The following OTOF variants were observed in gnomAD, a reference collection of about 807,000 sequenced individuals.
OTOF encodes otoferlin, also known as fer-1-like family member 2.
Under a neutral mutation model 236.8 loss-of-function variants are expected in OTOF, and 218 were observed. The ratio of observed to expected loss-of-function variants is 0.92; its 90% CI spans 0.82 to 1.03. The LOEUF is 1.03. Ranked by LOEUF, OTOF falls within the 50% of genes least tolerant of loss-of-function variation. OTOF has a pLI of 0.00. For synonymous variants in OTOF, 1,041 were observed against 1,072.5 expected, an observed-to-expected ratio of 0.97 and a Z score of 0.57; for missense variants, 2,590 against 2,694.4, an observed-to-expected ratio of 0.96 and a Z score of 0.86.
At chr2:26,503,245 T>A (rs1666164265) in intron 6 of OTOF, among the ~76,000 whole-genome samples, 1 of 152,242 alleles carries the variant, frequency 6.6e-6, no homozygotes, top group Non-Finnish European at 1.5e-5. Flanking sequence ...CCGCCTCCTC[T>A]GCAGCAGCTG....
At chr2:26,463,353 A>G in intron 41 of OTOF, 130 bp downstream of exon 41, 1 of 777,276 alleles carries the variant, frequency 1.3e-6, no homozygotes, top group South Asian at 1.5e-5. Context: ...CAGTGGCCAC[A>G]CCCAGGCCCC....
chr2:26,546,395 A>T (rs1028401877), intron 1 of OTOF, among the ~76,000 whole-genome samples: 2 of 151,400 alleles, frequency 1.3e-5, no homozygotes, highest in African/African-American at 4.9e-5. Context: ...CGGGAGGTGG[A>T]GGTTGCAGTG....
chr2:26,467,010 C>T (rs891799108), intron 35 of OTOF, 89 bp downstream of exon 35: 35 of 1,381,852 alleles, frequency 2.5e-5, no homozygotes, highest in Middle Eastern at 1.9e-4. Context: ...AGGCAGTGGC[C>T]GGGGCAGTGG....
intron 5 of OTOF, among the ~76,000 whole-genome samples, chr2:26,508,330 AC>A (rs1252563093): frequency 6.6e-6 from 1 of 152,242 alleles, no homozygotes; most frequent in Non-Finnish European, 1.5e-5. Flanking sequence ...GCCCCAAGGC[AC>A]AGGGAATTTC....
At chr2:26,528,257 G>T (rs1043571846) in intron 2 of OTOF, among the ~76,000 whole-genome samples, 1 of 152,228 alleles carries the variant, frequency 6.6e-6, no homozygotes, top group African/African-American at 2.4e-5. Flanking sequence ...CTCCTGAGGG[G>T]GGTTGGGAGA....
intron 4 of OTOF, among the ~76,000 whole-genome samples, chr2:26,517,267 C>T (rs201087469): frequency 6.6e-6 from 1 of 152,134 alleles, no homozygotes; most frequent in Non-Finnish European, 1.5e-5. Context: ...AGTTTCCCCC[C>T]CAGTGCACAG....
intron 1 of OTOF, among the ~76,000 whole-genome samples, chr2:26,547,232 T>A (rs72815287): frequency 0.14 from 21,378 of 152,242 alleles, 1,552 homozygotes; most frequent in Middle Eastern, 0.28. Flanking sequence ...ATTGATATAA[T>A]CATGAATTTT....
chr2:26,516,620 G>A, intron 4 of OTOF, 21 bp from the exon 5 acceptor site: 1 of 1,601,044 alleles, frequency 6.2e-7, no homozygotes, highest in South Asian at 1.1e-5. Context: ...GGAGGCGGTG[G>A]TGAGCAGCTG....
At position 26,467,518 on chromosome 2, in the gene OTOF, A is replaced by G. The variant is rs747968281; in HGVS notation, c.4091-17T>C. ...CCTTCAGGCCTGGCCAGAAGCAGAA[A>G]AGGAGGTGGAGCAGAAATGAGCAGA... On this transcript the variant is annotated splice_polypyrimidine_tract_variant and intron_variant, in intron 33 of 46. Transcript: ENST00000272371. 2 of 1,612,394 alleles carry G rather than the reference A, an allele frequency of 1.2e-6. No homozygotes were observed. Among genetic ancestry groups the G allele is most frequent in the Non-Finnish European group, 1.7e-6 (2 of 1,179,274 alleles).
intron 1 of OTOF, among the ~76,000 whole-genome samples, chr2:26,548,220 C>A (rs966135015): frequency 6.6e-6 from 1 of 151,852 alleles, no homozygotes; most frequent in Non-Finnish European, 1.5e-5. Context: ...TTTGAAGAAC[C>A]AACTTTTGGC....
In OTOF at chr2:26,484,355, G is replaced by A. The variant is rs528749632; in HGVS notation, c.1205+119C>T. 1.3e-4 allele frequency: 134 copies of A among 1,064,344 alleles called. No individual in the cohort carries two copies. In the South Asian group the frequency reaches 1.7e-3, roughly 13 times the overall value. The allele number at this position is 1,064,344 out of a possible 1,614,324, so 65.9% of individuals were successfully genotyped here. ...GAAGAGTGGGGCTGCTTGGGAGAGT[G>A]AGCGAGAGCAGGGTGAGGGAGACGG... On this transcript the variant is annotated intron_variant, in intron 12 of 46. Transcript: ENST00000272371.
chr2:26,553,624 C>T lies in OTOF; in HGVS notation c.79+4869G>A, dbSNP rs75603208. Reference sequence around the variant, plus strand: ...GCTCGGAAAGAGGCATGAGCCACCACGCCTGGCCCTTTCATGGCCTTTGAT... The same window carrying T: ...GCTCGGAAAGAGGCATGAGCCACCATGCCTGGCCCTTTCATGGCCTTTGAT... On this transcript the variant is annotated intron_variant, in intron 1 of 46. Transcript: ENST00000272371. 5.6e-3 allele frequency among the ~76,000 whole-genome samples: 849 copies of T among 152,334 alleles called. 7 individuals carry two copies. The highest frequency in any genetic ancestry group is 0.02 in the African/African-American group (817 of 41,560).
At position 26,473,697 on chromosome 2, in the gene OTOF, G is replaced by C. The variant is rs1665111509; in HGVS notation, c.3409-130C>G. 1 of 1,031,900 alleles carries C rather than the reference G, an allele frequency of 9.7e-7. No individual in the cohort carries two copies. Among genetic ancestry groups the C allele is most frequent in the Non-Finnish European group, 1.4e-6 (1 of 712,602 alleles). The allele number at this position is 1,031,900 out of a possible 1,614,324, so 63.9% of individuals were successfully genotyped here. A position where few individuals can be genotyped will look rare whatever the true frequency, so the allele number is the denominator to read the frequency against. ...GCAGTAGTTCACCCCAGATTTCAAA[G>C]GGTGGGAGCAGGGCCAGGAGAGCAG... On this transcript the variant is annotated intron_variant, in intron 27 of 46. Coordinates refer to ENST00000272371, the MANE Select transcript of OTOF (RefSeq NM_194248.3). This position sits in a 1 kb window ranked among gnomAD's most constrained non-coding sequence, Gnocchi z 7.2.
At chr2:26,496,173 A>G (rs1665979127) in intron 8 of OTOF, among the ~76,000 whole-genome samples, 1 of 151,732 alleles carries the variant, frequency 6.6e-6, no homozygotes, top group African/African-American at 2.4e-5. Flanking sequence ...AACCTGCTGG[A>G]GCCAGGCACA....
chr2:26,552,721 C>T (rs1364265054), intron 1 of OTOF, among the ~76,000 whole-genome samples: 1 of 152,068 alleles, frequency 6.6e-6, no homozygotes, highest in African/African-American at 2.4e-5. Context: ...AGATTTCCCT[C>T]AGGTGTGGTG....
chr2:26,484,972 C>T (rs1315369614), intron 11 of OTOF, among the ~76,000 whole-genome samples: 1 of 152,196 alleles, frequency 6.6e-6, no homozygotes, highest in Non-Finnish European at 1.5e-5. Context: ...GTGAAGGACA[C>T]AGCTGCACAC....
In OTOF at chr2:26,472,525, C is replaced by T. The variant is rs1481934944; in HGVS notation, c.3858G>A (p.Leu1286=). Residue 1286 remains leucine, a synonymous_variant, in exon 30 of 47, where the codon CTG becomes CTA. Coordinates refer to ENST00000272371, the MANE Select transcript of OTOF (RefSeq NM_194248.3). ...CTGACCCCACCCGCCTTACCGCGTC[C>T]AGCTTCACCATGGTCTCCAGTTTCT... ...PIKKLETMVK[L]DATSEAVVKV... 2.5e-6 allele frequency: 4 copies of T among 1,613,552 alleles called. No individual in the cohort carries two copies. The highest frequency in any genetic ancestry group is 3.4e-6 in the Non-Finnish European group (4 of 1,180,022).
chr2:26,524,748 G>A (rs1240041298), intron 3 of OTOF, among the ~76,000 whole-genome samples: 1 of 152,186 alleles, frequency 6.6e-6, no homozygotes, highest in African/African-American at 2.4e-5. Context: ...TGGTTTCTGG[G>A]AGTTGGATTA....
intron 6 of OTOF, 50 bp downstream of exon 6, chr2:26,503,722 A>T: frequency 6.6e-7 from 1 of 1,514,316 alleles, no homozygotes; most frequent in Non-Finnish European, 9.1e-7. Flanking sequence ...AAGCGGCGGG[A>T]GGGCGCCGCG....
Sources: allele counts gnomAD v4.1 joint callset (sites outside exome capture counted in the v4.1 genomes callset), GRCh38; gene constraint gnomAD v4.1.1; non-coding constraint Gnocchi (gnomAD v3.1); transcripts MANE v1.5; gene names NCBI Gene and HGNC (gene_info 2026-07-23, HGNC 2026-07-21).